The following RPS6KA2 variants were observed in gnomAD, a reference collection of about 807,000 sequenced individuals.
RPS6KA2 encodes the protein ribosomal protein S6 kinase A2.
RPS6KA2 carries 42 observed loss-of-function variants against 91.8 expected under a neutral mutation model. That is an observed-to-expected ratio of 0.46 (90% CI 0.36 to 0.59). The LOEUF is 0.59. Ranked by LOEUF, RPS6KA2 falls within the 20% of genes least tolerant of loss-of-function variation. The pLI is 0.00. For missense variants in RPS6KA2, 798 were observed against 978.5 expected, an observed-to-expected ratio of 0.82 and a Z score of 2.46; for synonymous variants, 414 against 393.6, an observed-to-expected ratio of 1.05 and a Z score of -0.61.
rs1446948965 is a variant in RPS6KA2 at position 166,849,249 on chromosome 6, T to C, written c.123+8951A>G. 6.6e-6 allele frequency among the ~76,000 whole-genome samples: 1 copy of C among 152,156 alleles called. No homozygotes were observed. Among genetic ancestry groups the C allele is most frequent in the Admixed American group, 6.5e-5 (1 of 15,282 alleles). ...GGTCGTGGCCTAAACATGGCGTGGG[T>C]AGAGAAGTCTACGGTAACCATGCCC... On this transcript the variant is annotated intron_variant, in intron 2 of 21. Transcript: ENST00000503859. This position sits in a 1 kb window ranked among gnomAD's most constrained non-coding sequence, Gnocchi z 4.9.
intron 2 of RPS6KA2, among the ~76,000 whole-genome samples, chr6:166,759,381 G>A (rs1778107647): frequency 6.6e-6 from 1 of 152,196 alleles, no homozygotes; most frequent in Non-Finnish European, 1.5e-5. Flanking sequence ...TGAGAATAGA[G>A]CACGGTTTGT....
Position 166,554,371 on chromosome 6 carries a change from GT to G in RPS6KA2, c.100-15588del, listed in dbSNP as rs1784116242. 6.6e-6 allele frequency among the ~76,000 whole-genome samples: 1 copy of G among 152,232 alleles called. No homozygotes were observed. The highest frequency in any genetic ancestry group is 1.5e-5 in the Non-Finnish European group (1 of 68,038). ...TCAGGCCAGTTTTATGAAGCTGAATGTGATATAAAGCTTAACCTGCCTCCTT... is the reference window on the plus strand; with the variant it reads ...TCAGGCCAGTTTTATGAAGCTGAATGGATATAAAGCTTAACCTGCCTCCTT... On this transcript the variant is annotated intron_variant, in intron 1 of 20. Transcript: ENST00000265678. The surrounding 1 kb of genome is among the most constrained non-coding windows in gnomAD (Gnocchi z 4.3).
At chr6:166,723,809 C>T (rs1269088674) in intron 2 of RPS6KA2, among the ~76,000 whole-genome samples, 3 of 151,130 alleles carry the variant, frequency 2.0e-5, no homozygotes, top group African/African-American at 7.4e-5. Context: ...AAGCGATTCT[C>T]CTGCCTCAGC....
At chr6:166,413,201 A>T (rs1308792706) in intron 20 of RPS6KA2, among the ~76,000 whole-genome samples, 1 of 151,512 alleles carries the variant, frequency 6.6e-6, no homozygotes, top group Non-Finnish European at 1.5e-5. Context: ...GATCCCCTGC[A>T]TTCTGACAGT....
chr6:166,629,294 A>C (rs1033341211), upstream of RPS6KA2, among the ~76,000 whole-genome samples: 1 of 152,286 alleles, frequency 6.6e-6, no homozygotes, highest in Admixed American at 6.5e-5. Context: ...GCCCCAAGGC[A>C]GGCAGGCCTA....
chr6:166,660,399 T>TGC (rs1024889605), intron 2 of RPS6KA2, among the ~76,000 whole-genome samples: 11 of 112,818 alleles, frequency 9.8e-5, no homozygotes, highest in Admixed American at 5.4e-4. Context: ...CATGCGTGCG[T>TGC]GTGTGTGTGT....
chr6:166,546,675 C>T (rs575701030), intron 1 of RPS6KA2, among the ~76,000 whole-genome samples: 2 of 152,264 alleles, frequency 1.3e-5, no homozygotes, highest in South Asian at 2.1e-4. Context: ...ATTTCTTTAG[C>T]AGAAAAGGGA....
intron 10 of RPS6KA2, among the ~76,000 whole-genome samples, chr6:166,485,408 C>T (rs969973343): frequency 2.0e-5 from 3 of 152,224 alleles, no homozygotes; most frequent in African/African-American, 7.2e-5. Flanking sequence ...TTGAGATCTG[C>T]TGAGCTGGGG....
chr6:166,633,354 G>A (rs1787141992), intron 2 of RPS6KA2, among the ~76,000 whole-genome samples: 2 of 152,360 alleles, frequency 1.3e-5, no homozygotes, highest in South Asian at 4.1e-4. Context: ...GGGATGCTCA[G>A]AGCTAGCAGT....
At chr6:166,475,829 C>A (rs775173059) in intron 10 of RPS6KA2, 1 of 517,414 alleles carries the variant, frequency 1.9e-6, no homozygotes, top group South Asian at 1.4e-5. Context: ...GGCAGAGGGC[C>A]GTTTTCTCAC....
intron 2 of RPS6KA2, among the ~76,000 whole-genome samples, chr6:166,855,435 AGAGGAAGAAGAAGAG>A (rs1474971387): frequency 0.24 from 15,973 of 67,216 alleles, 2,620 homozygotes; most frequent in African/African-American, 0.47. Flanking sequence ...AAGAGGAAGA[AGAGGAAGAAGAAGAG>A]GAAGAAGAAG....
chr6:166,816,261 T>C (rs757255583), intron 2 of RPS6KA2, among the ~76,000 whole-genome samples: 46 of 152,024 alleles, frequency 3.0e-4, no homozygotes, highest in Admixed American at 1.7e-3. Flanking sequence ...ATTATTGAAC[T>C]ATGGTCAGGT....
At chr6:166,457,981 T>A (rs1780157348) in intron 12 of RPS6KA2, among the ~76,000 whole-genome samples, 1 of 152,230 alleles carries the variant, frequency 6.6e-6, no homozygotes, top group Non-Finnish European at 1.5e-5. Flanking sequence ...AACCACCAGC[T>A]CCCTGGACTT....
In RPS6KA2 at chr6:166,770,802, A is replaced by T; in HGVS notation, c.123+87398T>A. The T allele has an allele frequency of 4.7e-6, 5 of 1,058,472 alleles. No individual in the cohort carries two copies. Among genetic ancestry groups the T allele is most frequent in the Non-Finnish European group, 1.3e-6 (1 of 765,902 alleles). The allele number at this position is 1,058,472 out of a possible 1,614,324, so 65.6% of individuals were successfully genotyped here. On this transcript the variant is annotated intron_variant, in intron 2 of 21. Transcript: ENST00000503859. The surrounding 1 kb of genome is among the most constrained non-coding windows in gnomAD (Gnocchi z 5.1). Reference sequence around the variant, plus strand: ...TTGAAAAAGACTTCATGTTTAACTTAAAAAAAAAATGTAACTCACATAAGC... The same window carrying T: ...TTGAAAAAGACTTCATGTTTAACTTTAAAAAAAAATGTAACTCACATAAGC...
Position 166,557,281 on chromosome 6 carries a change from A to G in RPS6KA2, c.100-18497T>C, listed in dbSNP as rs1184076776. ...GCCGGGGTGAGGACCGTGGGCGCGGAGCATGCTTCCCAAGAACAGCCCGCA... is the reference window on the plus strand; with the variant it reads ...GCCGGGGTGAGGACCGTGGGCGCGGGGCATGCTTCCCAAGAACAGCCCGCA... On this transcript the variant is annotated intron_variant, in intron 1 of 20. Transcript: ENST00000265678. This position sits in a 1 kb window ranked among gnomAD's most constrained non-coding sequence, Gnocchi z 4.8. Among the ~76,000 whole-genome samples the G allele has an allele frequency of 6.6e-6, 1 of 152,204 alleles. No homozygotes were observed. Among genetic ancestry groups the G allele is most frequent in the African/African-American group, 2.4e-5 (1 of 41,446 alleles).
intron 2 of RPS6KA2, among the ~76,000 whole-genome samples, chr6:166,680,200 T>G (rs1305945994): frequency 6.6e-6 from 1 of 152,020 alleles, no homozygotes; most frequent in East Asian, 1.9e-4. Context: ...CTTGGAGAAC[T>G]TTTGTGTCTA....
chr6:166,702,890 A>C, intron 2 of RPS6KA2: 1 of 776,502 alleles, frequency 1.3e-6, no homozygotes, highest in East Asian at 2.5e-5. Context: ...GAAAATTAAA[A>C]CCACCCACGG....
intron 2 of RPS6KA2, among the ~76,000 whole-genome samples, chr6:166,796,675 C>T (rs1308589495): frequency 2.0e-5 from 3 of 152,252 alleles, no homozygotes; most frequent in Non-Finnish European, 2.9e-5. Context: ...TCTCCCTTTC[C>T]CTGCTAAGTT....
chr6:166,594,140 C>A, intron 1 of RPS6KA2, among the ~76,000 whole-genome samples: 1 of 152,104 alleles, frequency 6.6e-6, no homozygotes. Context: ...GACCATTATA[C>A]TTGTATGTGT....
Sources: allele counts gnomAD v4.1 joint callset (sites outside exome capture counted in the v4.1 genomes callset), GRCh38; gene constraint gnomAD v4.1.1; non-coding constraint Gnocchi (gnomAD v3.1); transcripts MANE v1.5; gene names NCBI Gene and HGNC (gene_info 2026-07-23, HGNC 2026-07-21).